The following HSF4 variants were observed in gnomAD, a reference collection of about 807,000 sequenced individuals.
The protein encoded by HSF4 is heat shock factor protein 4.
Under a neutral mutation model 52.0 loss-of-function variants are expected in HSF4, and 41 were observed. The ratio of observed to expected loss-of-function variants is 0.79; its 90% CI spans 0.61 to 1.02. The LOEUF (loss-of-function observed/expected upper bound fraction) is 1.02, where lower values mean the gene tolerates loss of function less well. HSF4 is among the 50% of genes least tolerant of loss of function. HSF4 has a pLI of 0.00. For synonymous variants in HSF4, 285 were observed against 273.0 expected (o/e 1.04, Z -0.43); for missense variants, 610 against 651.1 (o/e 0.94, Z 0.69).
In HSF4 at chr16:67,165,146, C is replaced by G. The variant is rs560876380; in HGVS notation, c.123+212C>G. On this transcript the variant is annotated intron_variant, in intron 1 of 12. Coordinates refer to ENST00000521374, the MANE Select transcript of HSF4 (RefSeq NM_001374675.1). This position sits in a 1 kb window ranked among gnomAD's most constrained non-coding sequence, Gnocchi z 6.9. ...AGCCTGCCTTCTGAAGACCTAGAGTCCGAGGGACCTTCGAGGCCATTTAGT... is the reference window on the plus strand; with the variant it reads ...AGCCTGCCTTCTGAAGACCTAGAGTGCGAGGGACCTTCGAGGCCATTTAGT... 4.1e-5 allele frequency: 25 copies of G among 614,444 alleles called. No individual in the cohort carries two copies. The South Asian group carries it at 4.9e-4, about 12-fold the overall frequency. 38.1% of individuals were successfully genotyped at this position (614,444 alleles called of 1,614,324 possible).
In HSF4 at chr16:67,169,273, A is replaced by T; in HGVS notation, c.1255-6A>T. 6.2e-7 allele frequency: 1 copy of T among 1,613,374 alleles called. No homozygotes were observed. ...TCCCCAGCTGCTCCCTGCGGTTCTC[A>T]CGCAGATGCAGCCCTTGGTTCCAGA... On this transcript the variant is annotated splice_region_variant and splice_polypyrimidine_tract_variant and intron_variant, in intron 11 of 12. Transcript: ENST00000521374. This position sits in a 1 kb window ranked among gnomAD's most constrained non-coding sequence, Gnocchi z 4.3.
Position 67,169,919 on chromosome 16 carries a change from G to A in HSF4, c.*134G>A, listed in dbSNP as rs1318276332. ...TCTCTCCACTACCCCGACTATCCCT[G>A]CACATAAACTCCGTTTTTTTTTTTT... On this transcript the variant is annotated 3_prime_UTR_variant, in exon 13 of 13. Coordinates refer to ENST00000521374, the MANE Select transcript of HSF4 (RefSeq NM_001374675.1). The surrounding 1 kb of genome is among the most constrained non-coding windows in gnomAD (Gnocchi z 4.3). 1.2e-6 allele frequency: 1 copy of A among 855,194 alleles called. No homozygotes were observed. The highest frequency in any genetic ancestry group is 1.9e-6 in the Non-Finnish European group (1 of 536,280). 53.0% of individuals were successfully genotyped at this position (855,194 alleles called of 1,614,324 possible).
rs776388767 is a variant in HSF4, at chr16:67,167,704, C to T, written c.855-16C>T. 3 of 1,611,652 alleles carry T rather than the reference C, an allele frequency of 1.9e-6. No homozygotes were observed. The highest frequency in any genetic ancestry group is 2.5e-6 in the Non-Finnish European group (3 of 1,179,352). ...AGTCAGTGCCAGGGTCTGGTTGAAG[C>T]TTTTCTCTGGTGCAGGGAGAAGGGC... On this transcript the variant is annotated splice_polypyrimidine_tract_variant and intron_variant, in intron 8 of 12. Transcript: ENST00000521374.
Position 67,169,807 on chromosome 16 carries a change from C to T in HSF4, c.*22C>T. On this transcript the variant is annotated 3_prime_UTR_variant, in exon 13 of 13. Coordinates refer to ENST00000521374, the MANE Select transcript of HSF4 (RefSeq NM_001374675.1). This position sits in a 1 kb window ranked among gnomAD's most constrained non-coding sequence, Gnocchi z 4.3. ...CTAAGACCCCGCGCCTCTGAAGGGG[C>T]TTGGAACCAGTCCGCCGCTGCACAT... 6.2e-7 allele frequency: 1 copy of T among 1,612,812 alleles called. No individual in the cohort carries two copies. Among genetic ancestry groups the T allele is most frequent in the South Asian group, 1.1e-5 (1 of 91,074 alleles).
chr16:67,166,361 A>G lies in HSF4; in HGVS notation c.527A>G (p.Gln176Arg). The change falls in exon 5 of 13, where the codon CAG becomes CGG. Residue 176 changes from glutamine to arginine, a missense_variant. Physicochemically the swap from Gln to Arg is conservative, Grantham distance 43. Transcript: ENST00000521374. ...TGGCGGGAGGTGGTGACACTTCGGCAGAGCCACGGTCAGCAGCACCGGGTC... is the reference window on the plus strand; with the variant it reads ...TGGCGGGAGGTGGTGACACTTCGGCGGAGCCACGGTCAGCAGCACCGGGTC... Reference protein sequence around the residue: ...ILWREVVTLRQSHGQQHRVIG... With the variant: ...ILWREVVTLRRSHGQQHRVIG... 2 of 1,609,256 alleles carry G rather than the reference A, an allele frequency of 1.2e-6. No individual in the cohort carries two copies. Among genetic ancestry groups the G allele is most frequent in the East Asian group, 4.5e-5 (2 of 44,562 alleles).
At position 67,166,382 on chromosome 16, in the gene HSF4, G is replaced by C; in HGVS notation, c.548G>C (p.Arg183Pro). 1 of 1,609,566 alleles carries C rather than the reference G, an allele frequency of 6.2e-7. No homozygotes were observed. Residue 183 changes from arginine to proline, a missense_variant, in exon 5 of 13, where the codon CGG becomes CCG. Physicochemically the swap from Arg to Pro is moderately radical, Grantham distance 103. Coordinates refer to ENST00000521374, the MANE Select transcript of HSF4 (RefSeq NM_001374675.1). ...TLRQSHGQQH[R>P]VIGKLIQCLF... ...CGGCAGAGCCACGGTCAGCAGCACC[G>C]GGTCATTGGCAAGGTGTTCCTCTCC...
In HSF4 at chr16:67,166,595, C is replaced by A. The variant is rs751639850; in HGVS notation, c.599C>A (p.Pro200Gln). Reference sequence around the variant, plus strand: ...CTCTTTGGGCCACTTCAGGCGGGGCCGAGCAATGCAGGAGGCAAGAGAAAG... The same window carrying A: ...CTCTTTGGGCCACTTCAGGCGGGGCAGAGCAATGCAGGAGGCAAGAGAAAG... ...QCLFGPLQAG[P>Q]SNAGGKRKLS... is the part of the protein sequence containing the mutation. Residue 200 changes from proline to glutamine, a missense_variant, in exon 6 of 13, where the codon CCG (proline) becomes CAG (glutamine). Transcript: ENST00000521374. 8 of 1,613,818 alleles carry A rather than the reference C, an allele frequency of 5.0e-6. No individual in the cohort carries two copies. The highest frequency in any genetic ancestry group is 6.8e-6 in the Non-Finnish European group (8 of 1,179,974).
At position 67,167,787 on chromosome 16, in the gene HSF4, G is replaced by C; in HGVS notation, c.922G>C (p.Ala308Pro). ...SPGGDGEAGL[A>P]LAPNECDFCV... ...AGGGGGGGATGGCGAGGCCGGGCTG[G>C]CCCTGGCCCCAAACGAGTGTGACTT... Residue 308 changes from alanine to proline, a missense_variant, in exon 9 of 13, where the codon GCC (alanine) becomes CCC (proline). Coordinates refer to ENST00000521374, the MANE Select transcript of HSF4 (RefSeq NM_001374675.1). The C allele has an allele frequency of 1.3e-6, 2 of 1,599,998 alleles. No individual in the cohort carries two copies. Among genetic ancestry groups the C allele is most frequent in the Non-Finnish European group, 1.7e-6 (2 of 1,173,818 alleles).
At position 67,167,711 on chromosome 16, in the gene HSF4, C is replaced by G; in HGVS notation, c.855-9C>G. The G allele has an allele frequency of 6.2e-7, 1 of 1,611,172 alleles. No individual in the cohort carries two copies. Among genetic ancestry groups the G allele is most frequent in the African/African-American group, 1.3e-5 (1 of 75,034 alleles). ...GCCAGGGTCTGGTTGAAGCTTTTCT[C>G]TGGTGCAGGGAGAAGGGCCTGGCAC... is the stretch of plus-strand genomic sequence containing the variant. On this transcript the variant is annotated splice_polypyrimidine_tract_variant and intron_variant, in intron 8 of 12. Transcript: ENST00000521374.
At chr16:67,164,987 C>G in intron 1 of HSF4, 53 bp downstream of exon 1, 1 of 1,523,200 alleles carries the variant, frequency 6.6e-7, no homozygotes, top group Admixed American at 2.0e-5. Flanking sequence ...CCCTCCACGT[C>G]AGTGAACACC....
Position 67,165,338 on chromosome 16 carries a change from C to T in HSF4, c.124-184C>T. On this transcript the variant is annotated intron_variant, in intron 1 of 12. Transcript: ENST00000521374. The surrounding 1 kb of genome is among the most constrained non-coding windows in gnomAD (Gnocchi z 6.9). ...TGGGGGTAGGGACTCACTGTGGTCGCTCCAGGCTAGGCCTCGGAGCCCGTT... is the reference window on the plus strand; with the variant it reads ...TGGGGGTAGGGACTCACTGTGGTCGTTCCAGGCTAGGCCTCGGAGCCCGTT... The T allele has an allele frequency of 3.1e-6, 2 of 638,076 alleles. No individual in the cohort carries two copies. The highest frequency in any genetic ancestry group is 3.6e-5 in the South Asian group (2 of 55,018). 39.5% of individuals were successfully genotyped at this position (638,076 alleles called of 1,614,324 possible). A position where few individuals can be genotyped will look rare whatever the true frequency, so the allele number is the denominator to read the frequency against.
rs375172660 is a variant in HSF4 at position 67,164,892 on chromosome 16, G to A, written c.81G>A (p.Leu27=). 155 of 1,608,166 alleles carry A rather than the reference G, an allele frequency of 9.6e-5. No individual in the cohort carries two copies. In the African/African-American group the frequency reaches 1.6e-3, roughly 17 times the overall value. The change falls in exon 1 of 13, where the codon CTG becomes CTA. Residue 27 remains leucine (L), a synonymous_variant. Coordinates refer to ENST00000521374, the MANE Select transcript of HSF4 (RefSeq NM_001374675.1). ...CCTTCCTCGGCAAGCTATGGGCGCT[G>A]GTGGGGGACCCAGGCACAGACCACC... ...VPAFLGKLWA[L]VGDPGTDHLI... is the part of the protein sequence containing the mutation.
Position 67,167,525 on chromosome 16 carries a change from C to T in HSF4, c.780C>T (p.Pro260=), listed in dbSNP as rs1248979350. The change falls in exon 8 of 13, where the codon CCC becomes CCT. Residue 260 remains proline (P), a synonymous_variant. Transcript: ENST00000521374. ...TTAGCCCTCACAGGGCCAGGGGCCC[C>T]ATCATCTCTGACATCCCAGAAGACT... ...LGLSPHRARG[P]IISDIPEDSP... 6.2e-7 allele frequency: 1 copy of T among 1,613,710 alleles called. No homozygotes were observed. Among genetic ancestry groups the T allele is most frequent in the Non-Finnish European group, 8.5e-7 (1 of 1,180,028 alleles).
chr16:67,164,903 C>T lies in HSF4; in HGVS notation c.92C>T (p.Pro31Leu), dbSNP rs1310897175. ...AAGCTATGGGCGCTGGTGGGGGACC[C>T]AGGCACAGACCACCTGATCCGCTGG... Reference protein sequence around the residue: ...LGKLWALVGDPGTDHLIRWSP... With the variant: ...LGKLWALVGDLGTDHLIRWSP... The change falls in exon 1 of 13, where the codon CCA becomes CTA. Residue 31 changes from proline (P) to leucine (L), a missense_variant. Physicochemically the swap from Pro to Leu is moderately conservative, Grantham distance 98 (BLOSUM62 -3). Transcript: ENST00000521374. The T allele has an allele frequency of 1.9e-6, 3 of 1,608,278 alleles. No individual in the cohort carries two copies. The highest frequency in any genetic ancestry group is 2.5e-6 in the Non-Finnish European group (3 of 1,179,174).
chr16:67,163,785 G>T (rs147591659), upstream of HSF4: 16 of 1,567,800 alleles, frequency 1.0e-5, no homozygotes, highest in African/African-American at 1.2e-4. Flanking sequence ...GCTCACGCGC[G>T]AGCCGCATCC....
At chr16:67,166,455 C>A in intron 5 of HSF4, 60 bp downstream of exon 5, 1 of 1,592,636 alleles carries the variant, frequency 6.3e-7, no homozygotes, top group South Asian at 1.1e-5. Context: ...ATTCCACCGC[C>A]CAGTCCCCCG....
chr16:67,168,980 G>C (rs1343705661), intron 10 of HSF4, 44 bp downstream of exon 10: 1 of 1,612,628 alleles, frequency 6.2e-7, no homozygotes, highest in Non-Finnish European at 8.5e-7. Context: ...GACCTGGTGG[G>C]GTCTAGCTCT....
At position 67,165,243 on chromosome 16, in the gene HSF4, T is replaced by C. The variant is rs543505389; in HGVS notation, c.124-279T>C. ...TGGGAAGGGCTGGTCTAGCTCAGGG[T>C]CACATTGCGGGGCTGGGAACCCCGT... On this transcript the variant is annotated intron_variant, in intron 1 of 12. Coordinates refer to ENST00000521374, the MANE Select transcript of HSF4 (RefSeq NM_001374675.1). The surrounding 1 kb of genome is among the most constrained non-coding windows in gnomAD (Gnocchi z 6.9). 3.8e-4 allele frequency: 225 copies of C among 593,732 alleles called. 2 individuals are homozygous for C. The South Asian group carries it at 4.4e-3, about 12-fold the overall frequency. 36.8% of individuals were successfully genotyped at this position (593,732 alleles called of 1,614,324 possible). A position where few individuals can be genotyped will look rare whatever the true frequency, so the allele number is the denominator to read the frequency against.
rs757622006 is a variant in HSF4 at position 67,165,834 on chromosome 16, C to G, written c.348C>G (p.Arg116=). 10 of 1,604,872 alleles carry G rather than the reference C, an allele frequency of 6.2e-6. No homozygotes were observed. In the African/African-American group the frequency reaches 1.3e-4, roughly 21 times the overall value. The change falls in exon 3 of 13, where the codon CGC becomes CGG. Residue 116 remains arginine, a synonymous_variant. Transcript: ENST00000521374. This position sits in a 1 kb window ranked among gnomAD's most constrained non-coding sequence, Gnocchi z 6.9. Reference sequence around the variant, plus strand: ...GCGGCCGCGAGCAGCTACTGGAGCGCGTGCGGCGCAAGGTGGGGGCGGCCT... The same window carrying G: ...GCGGCCGCGAGCAGCTACTGGAGCGGGTGCGGCGCAAGGTGGGGGCGGCCT... The part of the protein sequence containing the change: ...FVRGREQLLE[R]VRRKVPALRG...
Sources: gnomAD v4.1 joint callset for allele counts on GRCh38, gnomAD v4.1.1 for gene constraint, Gnocchi (gnomAD v3.1) non-coding constraint, MANE v1.5 for transcripts, NCBI Gene and HGNC (gene_info 2026-07-23, HGNC 2026-07-21) for gene names.